Variants in EIF4E2 observed in about 807,000 individuals in gnomAD.
The protein encoded by EIF4E2 is eukaryotic translation initiation factor 4E type 2.
A neutral mutation model predicts 34.2 loss-of-function variants in EIF4E2; 13 were observed. The ratio of observed to expected loss-of-function variants is 0.38; its 90% CI spans 0.25 to 0.60. EIF4E2 has a LOEUF of 0.60. Ranked by LOEUF, EIF4E2 falls within the 20% of genes least tolerant of loss-of-function variation. EIF4E2 has a pLI of 0.62. For synonymous variants in EIF4E2, 100 were observed against 106.6 expected, an observed-to-expected ratio of 0.94 and a Z score of 0.38; for missense variants, 222 against 315.1, an observed-to-expected ratio of 0.70 and a Z score of 2.24.
downstream of EIF4E2, among the ~76,000 whole-genome samples, chr2:232,573,528 CTT>C (rs1410384170): frequency 6.6e-6 from 1 of 152,166 alleles, no homozygotes; most frequent in Non-Finnish European, 1.5e-5. Context: ...CACCAAGAGT[CTT>C]TTCTCTGTAA....
At position 232,567,129 on chromosome 2, in the gene EIF4E2, G is replaced by A. The variant is rs753926454; in HGVS notation, c.580G>A (p.Ala194Thr). 4.3e-6 allele frequency: 7 copies of A among 1,614,066 alleles called. No individual in the cohort carries two copies. The Admixed American group carries it at 8.3e-5, about 19-fold the overall frequency. ...GACTGCCAGTGACCAAGCAACCACA[G>A]CCCGAATCCGGGACACACTTCGGCG... ...NKTASDQATT[A>T]RIRDTLRRVL... Residue 194 changes from alanine to threonine, a missense_variant, in exon 6 of 7, where the codon GCC (alanine) becomes ACC (threonine). Physicochemically the swap from Ala to Thr is moderately conservative, Grantham distance 58 (BLOSUM62 0). Coordinates refer to ENST00000258416, the MANE Select transcript of EIF4E2 (RefSeq NM_004846.4).
chr2:232,557,811 A>G, intron 2 of EIF4E2, 73 bp from the exon 3 acceptor site: 1 of 1,542,664 alleles, frequency 6.5e-7, no homozygotes, highest in Admixed American at 1.8e-5. Flanking sequence ...AAGGATTGAC[A>G]CTGCAAAATG....
chr2:232,554,878 G>A (rs907275420), intron 1 of EIF4E2, among the ~76,000 whole-genome samples: 5 of 152,220 alleles, frequency 3.3e-5, no homozygotes, highest in Non-Finnish European at 7.3e-5. Context: ...ATGCTGAGGG[G>A]AGGAATCTGC....
chr2:232,567,627 CT>C, intron 6 of EIF4E2: 1 of 1,092,408 alleles, frequency 9.2e-7, no homozygotes, highest in Non-Finnish European at 1.1e-6. Flanking sequence ...AGTCTATTTT[CT>C]TTGTCCTGGG....
At chr2:232,571,083 C>G (rs1409206189), downstream of EIF4E2, among the ~76,000 whole-genome samples, 5 of 152,180 alleles carry the variant, frequency 3.3e-5, no homozygotes, top group African/African-American at 1.2e-4. Flanking sequence ...CTGATTCCTG[C>G]TTGCTATTTT....
chr2:232,582,530 G>A (rs774702410), exon 7 of EIF4E2: 4 of 152,218 alleles, frequency 2.6e-5, no homozygotes, highest in Non-Finnish European at 5.9e-5. Context: ...GCATTCTGGT[G>A]TCCAGACAGT....
intron 1 of EIF4E2, among the ~76,000 whole-genome samples, chr2:232,552,395 T>C (rs917630361): frequency 2.0e-4 from 30 of 152,140 alleles, no homozygotes; most frequent in African/African-American, 7.2e-4. Context: ...GTATTTTTTG[T>C]AGAGACGGGG....
At chr2:232,572,657 C>T (rs527846469), downstream of EIF4E2, among the ~76,000 whole-genome samples, 7 of 152,280 alleles carry the variant, frequency 4.6e-5, no homozygotes, top group South Asian at 2.1e-4. Flanking sequence ...CCATGGTGCC[C>T]GGCTGTGAGG....
intron 6 of EIF4E2, among the ~76,000 whole-genome samples, chr2:232,578,908 G>C (rs1006715602): frequency 6.6e-5 from 10 of 152,046 alleles, no homozygotes; most frequent in African/African-American, 2.4e-4. Flanking sequence ...TGCCTTTCTA[G>C]TTTCTTTTAA....
At chr2:232,574,375 G>T in intron 6 of EIF4E2, 1 of 1,545,720 alleles carries the variant, frequency 6.5e-7, no homozygotes, top group South Asian at 1.2e-5. Flanking sequence ...GTAACCCTGT[G>T]ACATACCTCT....
chr2:232,571,804 C>T (rs73101854), downstream of EIF4E2, among the ~76,000 whole-genome samples: 1 of 152,198 alleles, frequency 6.6e-6, no homozygotes, highest in Non-Finnish European at 1.5e-5. Flanking sequence ...GTTACCCCAG[C>T]TTAATTGCTG....
chr2:232,552,159 C>T (rs1400315924), intron 1 of EIF4E2, among the ~76,000 whole-genome samples: 1 of 152,082 alleles, frequency 6.6e-6, no homozygotes, highest in Non-Finnish European at 1.5e-5. Flanking sequence ...TGGGAGTCTG[C>T]AGTAAGAATG....
At chr2:232,580,457 C>T (rs1390369081) in intron 6 of EIF4E2, among the ~76,000 whole-genome samples, 1 of 152,140 alleles carries the variant, frequency 6.6e-6, no homozygotes, top group Admixed American at 6.5e-5. Context: ...CCTGTGTAGC[C>T]TTGCAAAGTT....
At position 232,581,048 on chromosome 2, in the gene EIF4E2, T is replaced by C; in HGVS notation, c.*105T>C. The C allele has an allele frequency of 8.8e-7, 1 of 1,131,038 alleles. No individual in the cohort carries two copies. Among genetic ancestry groups the C allele is most frequent in the Non-Finnish European group, 1.3e-6 (1 of 764,444 alleles). The allele number at this position is 1,131,038 out of a possible 1,614,324, so 70.1% of individuals were successfully genotyped here. ...CCATTGCTCACTGAAGGGACGTCCC[T>C]GAGCCGTGCGCTCTCCTTTTGCACT... is the stretch of plus-strand genomic sequence containing the variant. On this transcript the variant is annotated 3_prime_UTR_variant, in exon 7 of 7. Coordinates refer to the EIF4E2 transcript ENST00000409098. This position sits in a 1 kb window ranked among gnomAD's most constrained non-coding sequence, Gnocchi z 5.2.
intron 3 of EIF4E2, among the ~76,000 whole-genome samples, chr2:232,562,309 G>C (rs550579097): frequency 1.3e-5 from 2 of 151,920 alleles, no homozygotes; most frequent in African/African-American, 4.8e-5. Context: ...GGCTGGGCGC[G>C]GTGGCTCACG....
At position 232,566,900 on chromosome 2, in the gene EIF4E2, G is replaced by T; in HGVS notation, c.447G>T (p.Glu149Asp). The part of the protein sequence containing the change: ...LRKGLASRCW[E>D]NLILAMLGEQ... ...AGGGCTTGGCCTCCCGTTGCTGGGA[G>T]AATCTCATTTTGGCCATGCTGGGGG... The change falls in exon 5 of 7, where the codon GAG (glutamate) becomes GAT (aspartate). Residue 149 changes from glutamate (E) to aspartate (D), a missense_variant. By Grantham distance (45) the Glu-to-Asp change is conservative (BLOSUM62 2). Transcript: ENST00000258416. This position sits in a 1 kb window ranked among gnomAD's most constrained non-coding sequence, Gnocchi z 4.9. 6.2e-7 allele frequency: 1 copy of T among 1,613,490 alleles called. No homozygotes were observed. Among genetic ancestry groups the T allele is most frequent in the Non-Finnish European group, 8.5e-7 (1 of 1,179,774 alleles).
At chr2:232,568,592 C>A (rs1693014172) in intron 6 of EIF4E2, 2 of 985,386 alleles carry the variant, frequency 2.0e-6, no homozygotes, top group South Asian at 9.4e-5. Context: ...TCCCACTTAC[C>A]CCCAAAATAA....
rs75844188 is a variant in EIF4E2, at chr2:232,565,117, G to A, written c.375+766G>A. Among the ~76,000 whole-genome samples, 374 of 152,256 alleles carry A rather than the reference G, an allele frequency of 2.5e-3. 3 individuals are homozygous for A. Among genetic ancestry groups the A allele is most frequent in the African/African-American group, 8.6e-3 (357 of 41,536 alleles). On this transcript the variant is annotated intron_variant, in intron 4 of 6. Coordinates refer to ENST00000258416, the MANE Select transcript of EIF4E2 (RefSeq NM_004846.4). Reference sequence around the variant, plus strand: ...CTATTCTGGTGCCATGGCATTTTTCGAGAAGACAAATGTGGTCACATCCAC... The same window carrying A: ...CTATTCTGGTGCCATGGCATTTTTCAAGAAGACAAATGTGGTCACATCCAC...
intron 6 of EIF4E2, among the ~76,000 whole-genome samples, chr2:232,580,295 C>G (rs949216080): frequency 1.3e-5 from 2 of 151,934 alleles, no homozygotes; most frequent in Non-Finnish European, 2.9e-5. Context: ...CATATAAGAC[C>G]AGGTGAATCA....
Sources: gnomAD v4.1 joint callset for allele counts (sites outside exome capture counted in the v4.1 genomes callset) on GRCh38, gnomAD v4.1.1 for gene constraint, Gnocchi (gnomAD v3.1) non-coding constraint, MANE v1.5 for transcripts, NCBI Gene and HGNC (gene_info 2026-07-23, HGNC 2026-07-21) for gene names.